SULF1: variants seen among roughly 807,000 people sequenced by gnomAD.
The protein encoded by SULF1 is sulfatase 1, also known as extracellular sulfatase Sulf-1.
SULF1 carries 46 observed loss-of-function variants against 110.5 expected under a neutral mutation model. The observed-to-expected ratio is 0.42, with a 90% CI of 0.33 to 0.53. The LOEUF (loss-of-function observed/expected upper bound fraction) is 0.53, where lower values mean the gene tolerates loss of function less well. Ranked by LOEUF, SULF1 falls within the 20% of genes least tolerant of loss-of-function variation. SULF1 has a pLI of 0.12. For synonymous variants in SULF1, 371 were observed against 387.1 expected, an observed-to-expected ratio of 0.96 and a Z score of 0.49; for missense variants, 941 against 1,094.2, an observed-to-expected ratio of 0.86 and a Z score of 1.98.
chr8:69,516,108 C>G (rs1348887269), intron 3 of SULF1, among the ~76,000 whole-genome samples: 1 of 152,178 alleles, frequency 6.6e-6, no homozygotes, highest in Non-Finnish European at 1.5e-5. Context: ...TCCACATGTT[C>G]AGGTATCTTT....
intron 10 of SULF1, 31 bp from the exon 11 acceptor site, chr8:69,603,161 A>T (rs778704519): frequency 3.1e-6 from 5 of 1,612,402 alleles, no homozygotes; most frequent in Non-Finnish European, 4.2e-6. Flanking sequence ...CTGGCATTGG[A>T]TCTCAGCCAT....
At chr8:69,575,898 C>T in intron 5 of SULF1, 72 bp from the exon 6 acceptor site, 1 of 1,554,858 alleles carries the variant, frequency 6.4e-7, no homozygotes, top group South Asian at 1.2e-5. Flanking sequence ...AACAGAGGCA[C>T]TGAGGGGCAC....
chr8:69,626,376 A>T (rs1361141711), intron 15 of SULF1, among the ~76,000 whole-genome samples: 1 of 152,260 alleles, frequency 6.6e-6, no homozygotes. Context: ...AGCTAGACAT[A>T]AAGACTCCAC....
chr8:69,531,347 A>G (rs1280222844), intron 3 of SULF1, among the ~76,000 whole-genome samples: 1 of 152,070 alleles, frequency 6.6e-6, no homozygotes, highest in Non-Finnish European at 1.5e-5. Flanking sequence ...TCCCTTTTAA[A>G]TTTCCCCTTC....
intron 7 of SULF1, 101 bp downstream of exon 7, chr8:69,586,609 G>T (rs1297347522): frequency 7.8e-7 from 1 of 1,275,848 alleles, no homozygotes; most frequent in Non-Finnish European, 1.1e-6. Context: ...GGCTTTCTAT[G>T]TTCTCACAAT....
intron 3 of SULF1, among the ~76,000 whole-genome samples, chr8:69,531,638 G>T (rs1242469941): frequency 6.6e-6 from 1 of 152,180 alleles, no homozygotes; most frequent in Non-Finnish European, 1.5e-5. Context: ...TAATTAATGT[G>T]GAAGCTGAAA....
At chr8:69,491,161 G>C (rs1361634147), upstream of SULF1, among the ~76,000 whole-genome samples, 1 of 152,156 alleles carries the variant, frequency 6.6e-6, no homozygotes, top group Non-Finnish European at 1.5e-5. Context: ...GATCCAACTA[G>C]CACAGGTGGA....
intron 3 of SULF1, among the ~76,000 whole-genome samples, chr8:69,529,214 G>T (rs1391582688): frequency 1.3e-5 from 2 of 152,086 alleles, no homozygotes; most frequent in East Asian, 1.9e-4. Flanking sequence ...ATTATGCTAG[G>T]TGCCAAAACA....
chr8:69,487,268 G>A (rs1809750334), intron 1 of SULF1, among the ~76,000 whole-genome samples: 1 of 152,184 alleles, frequency 6.6e-6, no homozygotes, highest in African/African-American at 2.4e-5. Flanking sequence ...TTCTCATAAA[G>A]ATGCCTGTCA....
intron 1 of SULF1, among the ~76,000 whole-genome samples, chr8:69,477,842 TA>T (rs1277806596): frequency 6.6e-6 from 1 of 152,072 alleles, no homozygotes; most frequent in East Asian, 1.9e-4. Flanking sequence ...AAGACAAGCT[TA>T]AATAAATAAA....
At chr8:69,628,273 C>T in intron 18 of SULF1, 37 bp downstream of exon 18, 1 of 1,564,386 alleles carries the variant, frequency 6.4e-7, no homozygotes, top group Non-Finnish European at 8.8e-7. Flanking sequence ...TGCTGGGAGT[C>T]AATGACTGTC....
At chr8:69,583,468 G>C (rs1309539829) in intron 6 of SULF1, among the ~76,000 whole-genome samples, 1 of 151,876 alleles carries the variant, frequency 6.6e-6, no homozygotes, top group Non-Finnish European at 1.5e-5. Context: ...CAGCTACTTG[G>C]GAGTCTGAGA....
At chr8:69,539,335 G>A (rs945731268) in intron 3 of SULF1, among the ~76,000 whole-genome samples, 3 of 152,098 alleles carry the variant, frequency 2.0e-5, no homozygotes, top group Non-Finnish European at 4.4e-5. Flanking sequence ...TGTGAAAAAG[G>A]AAAGTCTTTT....
intron 3 of SULF1, among the ~76,000 whole-genome samples, chr8:69,509,252 T>C (rs1486278546): frequency 1.3e-5 from 2 of 152,230 alleles, no homozygotes; most frequent in Non-Finnish European, 2.9e-5. Flanking sequence ...ATTATCCTTT[T>C]AGTTTTATGT....
rs75586494 is a variant in SULF1 at position 69,506,830 on chromosome 8, A to G, written c.-134+4862A>G. Among the ~76,000 whole-genome samples, 774 of 152,330 alleles carry G rather than the reference A, an allele frequency of 5.1e-3. 11 individuals carry two copies. Among genetic ancestry groups the G allele is most frequent in the African/African-American group, 0.017 (723 of 41,578 alleles). On this transcript the variant is annotated intron_variant, in intron 3 of 22. Coordinates refer to ENST00000402687, the MANE Select transcript of SULF1 (RefSeq NM_001128205.2). ...GGGTGGGGACTGGGGGACATTCACA[A>G]GTGGATATTAAGGAAAAAGAATGGG... is the stretch of plus-strand genomic sequence containing the variant.
chr8:69,633,535 T>C (rs1247305285), intron 19 of SULF1, among the ~76,000 whole-genome samples: 1 of 151,900 alleles, frequency 6.6e-6, no homozygotes, highest in Non-Finnish European at 1.5e-5. Context: ...TTCCCCATGT[T>C]GGCCAGGCTG....
At chr8:69,543,176 A>G (rs1326464157) in intron 3 of SULF1, among the ~76,000 whole-genome samples, 1 of 152,158 alleles carries the variant, frequency 6.6e-6, no homozygotes, top group Non-Finnish European at 1.5e-5. Flanking sequence ...ACTTGCAAAT[A>G]TATAAATTAA....
At chr8:69,627,981 C>G in intron 17 of SULF1, 115 bp downstream of exon 17, 1 of 909,460 alleles carries the variant, frequency 1.1e-6, no homozygotes, top group Non-Finnish European at 1.7e-6. Context: ...TCATAGAGTA[C>G]GATAACCTAA....
At chr8:69,564,249 G>A in intron 5 of SULF1, 102 bp downstream of exon 5, 1 of 1,384,956 alleles carries the variant, frequency 7.2e-7, no homozygotes, top group South Asian at 1.3e-5. Flanking sequence ...CTTAATTATT[G>A]CACATTAACC....
Sources: gnomAD v4.1 joint callset for allele counts (sites outside exome capture counted in the v4.1 genomes callset) on GRCh38, gnomAD v4.1.1 for gene constraint, MANE v1.5 for transcripts, NCBI Gene and HGNC (gene_info 2026-07-23, HGNC 2026-07-21) for gene names.